Variants in MEGF11 observed in about 807,000 individuals in gnomAD.
The protein encoded by MEGF11 is multiple EGF like domains 11.
In MEGF11, 126 loss-of-function variants were observed where a neutral mutation model predicts 146.6. The observed-to-expected ratio is 0.86, with a 90% CI of 0.74 to 1.00. The LOEUF is 1.00. Ranked by LOEUF, MEGF11 falls within the 50% of genes least tolerant of loss-of-function variation. The pLI is 0.00. For missense variants in MEGF11, 1,509 were observed against 1,521.2 expected (o/e 0.99, Z 0.13); for synonymous variants, 532 against 583.4 (o/e 0.91, Z 1.27).
chr15:66,004,716 C>T (rs1398904618), intron 5 of MEGF11, among the ~76,000 whole-genome samples: 1 of 152,038 alleles, frequency 6.6e-6, no homozygotes, highest in Non-Finnish European at 1.5e-5. Context: ...GCCAGATAGG[C>T]ACTCAATATT....
Position 66,094,416 on chromosome 15 carries a change from G to A in MEGF11, c.380C>T (p.Pro127Leu). ...TCHCEPGWGG[P>L]DCSSGCDSDH... ...CCCAGACTCACCGCTGGAGCAGTCG[G>A]GCCCTCCCCAGCCAGGCTCGCAGTG... Residue 127 changes from proline to leucine, a missense_variant, in exon 5 of 26, where the codon CCC (proline) becomes CTC (leucine). Coordinates refer to ENST00000395614, the MANE Select transcript of MEGF11 (RefSeq NM_001385028.1). The A allele has an allele frequency of 1.3e-6, 2 of 1,559,206 alleles. No homozygotes were observed. Among genetic ancestry groups the A allele is most frequent in the Non-Finnish European group, 1.7e-6 (2 of 1,150,776 alleles).
intron 5 of MEGF11, among the ~76,000 whole-genome samples, chr15:66,085,886 A>G (rs2086087798): frequency 6.6e-6 from 1 of 152,236 alleles, no homozygotes; most frequent in African/African-American, 2.4e-5. Context: ...GGGACCAGAG[A>G]AAGGTGAAGC....
chr15:65,917,698 G>A (rs988550971), intron 16 of MEGF11, among the ~76,000 whole-genome samples: 3 of 152,162 alleles, frequency 2.0e-5, no homozygotes, highest in African/African-American at 7.2e-5. Context: ...CCTTGTGCAG[G>A]TGCTAATGGA....
chr15:65,917,889 G>C, intron 16 of MEGF11, 77 bp downstream of exon 16: 1 of 1,583,296 alleles, frequency 6.3e-7, no homozygotes, highest in Admixed American at 1.7e-5. Context: ...CACCAGGACA[G>C]AGAGGTTTTG....
chr15:66,151,833 T>C (rs989367383), intron 1 of MEGF11, among the ~76,000 whole-genome samples: 4 of 151,954 alleles, frequency 2.6e-5, no homozygotes, highest in Non-Finnish European at 5.9e-5. Context: ...CCTGGGAGGG[T>C]AGGATAAGAA....
At chr15:66,192,282 A>G (rs2090903121) in intron 1 of MEGF11, among the ~76,000 whole-genome samples, 1 of 148,430 alleles carries the variant, frequency 6.7e-6, no homozygotes, top group African/African-American at 2.5e-5. Context: ...AGTCTGGCCA[A>G]CATGGTGAAA....
chr15:66,030,844 A>G (rs1274946458), intron 5 of MEGF11, among the ~76,000 whole-genome samples: 2 of 152,224 alleles, frequency 1.3e-5, no homozygotes, highest in East Asian at 3.8e-4. Flanking sequence ...AGGAACATCC[A>G]TTACTGCTAA....
chr15:65,980,949 C>A, intron 6 of MEGF11, 51 bp from the exon 7 acceptor site: 1 of 1,497,270 alleles, frequency 6.7e-7, no homozygotes. Context: ...GATCAGGTGG[C>A]AGGGCCCCAG....
chr15:66,058,312 G>A (rs1025169512), intron 5 of MEGF11, among the ~76,000 whole-genome samples: 5 of 152,154 alleles, frequency 3.3e-5, no homozygotes, highest in South Asian at 4.2e-4. Flanking sequence ...GCCTTAAAAT[G>A]TTTTAACTAC....
chr15:66,071,224 T>C (rs2085350565), intron 5 of MEGF11, among the ~76,000 whole-genome samples: 1 of 152,190 alleles, frequency 6.6e-6, no homozygotes, highest in East Asian at 1.9e-4. Context: ...CTGATGACTA[T>C]GCCTGTCTCT....
chr15:65,979,395 G>A (rs992268796), intron 7 of MEGF11, among the ~76,000 whole-genome samples: 2 of 152,192 alleles, frequency 1.3e-5, no homozygotes, highest in African/African-American at 4.8e-5. Flanking sequence ...GCATCGATGG[G>A]CCCTGCAGGT....
chr15:66,081,702 A>G (rs2085863641), intron 5 of MEGF11, among the ~76,000 whole-genome samples: 1 of 152,180 alleles, frequency 6.6e-6, no homozygotes, highest in Admixed American at 6.5e-5. Flanking sequence ...AGATGAGAAA[A>G]CTGAGGCCCA....
At chr15:66,022,678 A>T (rs923179552) in intron 5 of MEGF11, among the ~76,000 whole-genome samples, 8 of 152,020 alleles carry the variant, frequency 5.3e-5, no homozygotes, top group African/African-American at 1.7e-4. Flanking sequence ...TTTTTTAAAA[A>T]ATTAGCTGAG....
intron 24 of MEGF11, among the ~76,000 whole-genome samples, chr15:65,904,730 T>A (rs1165823002): frequency 6.6e-6 from 1 of 152,180 alleles, no homozygotes; most frequent in Non-Finnish European, 1.5e-5. Flanking sequence ...ACCCTGAGGG[T>A]GCTCTTCACA....
chr15:65,967,679 G>A (rs545649318), intron 8 of MEGF11, among the ~76,000 whole-genome samples: 2 of 152,218 alleles, frequency 1.3e-5, no homozygotes, highest in African/African-American at 4.8e-5. Context: ...GGGTGTCCTT[G>A]TCTCTGTTCT....
chr15:65,916,156 C>G lies in MEGF11; in HGVS notation c.2336G>C (p.Cys779Ser). The change falls in exon 18 of 26, where the codon TGT becomes TCT. Residue 779 changes from cysteine (C) to serine (S), a missense_variant. Physicochemically the swap from Cys to Ser is moderately radical, Grantham distance 112 (BLOSUM62 -1). Transcript: ENST00000395614. Reference protein sequence around the residue: ...TCRTGFTGQHCEQRCAPGTFG... With the variant: ...TCRTGFTGQHSEQRCAPGTFG... ...GGGTCAGGGCAGCTTACTCTGCTCACAGTGTTGCCCGGTGAAGCCTGTGCG... is the reference window on the plus strand; with the variant it reads ...GGGTCAGGGCAGCTTACTCTGCTCAGAGTGTTGCCCGGTGAAGCCTGTGCG... The G allele has an allele frequency of 6.3e-7, 1 of 1,589,882 alleles. No individual in the cohort carries two copies.
chr15:66,043,785 T>G (rs1444886796), intron 5 of MEGF11, among the ~76,000 whole-genome samples: 1 of 152,104 alleles, frequency 6.6e-6, no homozygotes, highest in African/African-American at 2.4e-5. Flanking sequence ...ACTGGGGAAT[T>G]GAAGATGAAA....
At chr15:66,170,772 C>G (rs2090229371) in intron 1 of MEGF11, among the ~76,000 whole-genome samples, 1 of 152,074 alleles carries the variant, frequency 6.6e-6, no homozygotes, top group African/African-American at 2.4e-5. Flanking sequence ...CACTCCCCAT[C>G]CCCACCTCCC....
chr15:66,201,909 TG>T, intron 1 of MEGF11, among the ~76,000 whole-genome samples: 1 of 123,634 alleles, frequency 8.1e-6, no homozygotes, highest in Non-Finnish European at 1.6e-5. Flanking sequence ...ATTGTGCCAC[TG>T]CACTCCAGTC....
Sources: allele counts gnomAD v4.1 joint callset (sites outside exome capture counted in the v4.1 genomes callset), GRCh38; gene constraint gnomAD v4.1.1; transcripts MANE v1.5; gene names NCBI Gene and HGNC (gene_info 2026-07-23, HGNC 2026-07-21).